VPS8: variants seen among roughly 807,000 people sequenced by gnomAD.
VPS8 encodes the protein VPS8 subunit of CORVET complex.
In VPS8, 129 loss-of-function variants were observed where a neutral mutation model predicts 216.4. That is an observed-to-expected ratio of 0.60 (90% CI 0.52 to 0.69). The LOEUF (loss-of-function observed/expected upper bound fraction) is 0.69, where lower values mean the gene tolerates loss of function less well. VPS8 is among the 30% of genes least tolerant of loss of function. VPS8 has a pLI of 0.00. For missense variants in VPS8, 1,531 were observed against 1,683.5 expected (o/e 0.91, Z 1.59); for synonymous variants, 571 against 565.4 (o/e 1.01, Z -0.14).
intron 36 of VPS8, among the ~76,000 whole-genome samples, chr3:184,942,739 C>T (rs1742962511): frequency 1.3e-5 from 2 of 152,102 alleles, no homozygotes; most frequent in South Asian, 4.1e-4. Context: ...AGATTATGCT[C>T]TAAACTTATT....
At chr3:184,889,005 TTA>T (rs1273664715) in intron 22 of VPS8, among the ~76,000 whole-genome samples, 13 of 152,306 alleles carry the variant, frequency 8.5e-5, no homozygotes, top group African/African-American at 2.9e-4. Context: ...AAAAAATTGA[TTA>T]TGTTTTTCCA....
intron 40 of VPS8, among the ~76,000 whole-genome samples, chr3:184,978,059 G>T (rs1311302131): frequency 6.6e-6 from 1 of 151,508 alleles, no homozygotes; most frequent in Non-Finnish European, 1.5e-5. Context: ...AATCCATCTG[G>T]TCCTGGCCTT....
intron 30 of VPS8, among the ~76,000 whole-genome samples, chr3:184,925,880 T>G (rs1024700175): frequency 3.3e-5 from 5 of 150,864 alleles, no homozygotes; most frequent in Non-Finnish European, 7.4e-5. Context: ...TTCAAGTGAT[T>G]GTCCTGCCTC....
chr3:184,887,683 A>T (rs1365886805), intron 22 of VPS8, among the ~76,000 whole-genome samples: 3 of 151,380 alleles, frequency 2.0e-5, no homozygotes, highest in Non-Finnish European at 4.4e-5. Flanking sequence ...TTTGTAAGTG[A>T]TAGAGAACAA....
chr3:184,873,993 C>T (rs911156192), intron 21 of VPS8, among the ~76,000 whole-genome samples: 6 of 152,200 alleles, frequency 3.9e-5, no homozygotes, highest in African/African-American at 1.2e-4. Flanking sequence ...GAAGTGCATG[C>T]ACCGTCAGCC....
intron 36 of VPS8, among the ~76,000 whole-genome samples, chr3:184,943,770 C>T (rs1743154010): frequency 1.3e-5 from 2 of 152,188 alleles, no homozygotes; most frequent in African/African-American, 4.8e-5. Context: ...ATAGGATTCT[C>T]ATTCTTGTAT....
intron 39 of VPS8, among the ~76,000 whole-genome samples, chr3:184,968,738 A>T (rs1747833175): frequency 6.6e-6 from 1 of 152,098 alleles, no homozygotes; most frequent in Non-Finnish European, 1.5e-5. Context: ...ATATTCCTTG[A>T]CATTTTTAAA....
At chr3:184,970,744 GT>G (rs1213412731) in intron 39 of VPS8, among the ~76,000 whole-genome samples, 1 of 152,168 alleles carries the variant, frequency 6.6e-6, no homozygotes, top group Non-Finnish European at 1.5e-5. Flanking sequence ...GGACTGATCT[GT>G]TTGAACTTGT....
intron 45 of VPS8, among the ~76,000 whole-genome samples, chr3:185,013,189 G>A (rs777707980): frequency 1.3e-5 from 2 of 152,208 alleles, no homozygotes; most frequent in Non-Finnish European, 2.9e-5. Flanking sequence ...CAGTGTGGGC[G>A]TCATGGCCAT....
intron 37 of VPS8, among the ~76,000 whole-genome samples, chr3:184,960,686 T>C (rs1746362631): frequency 6.6e-6 from 1 of 152,178 alleles, no homozygotes; most frequent in South Asian, 2.1e-4. Context: ...CATCCCAATA[T>C]TAGGTTGAGG....
At chr3:184,988,047 G>GT (rs1190745857) in intron 42 of VPS8, among the ~76,000 whole-genome samples, 1 of 152,132 alleles carries the variant, frequency 6.6e-6, no homozygotes, top group Non-Finnish European at 1.5e-5. Flanking sequence ...AGGATTCTTT[G>GT]TATATTTTGG....
At chr3:184,993,875 G>A (rs1008454815) in intron 42 of VPS8, 108 bp from the exon 43 acceptor site, 5 of 804,502 alleles carry the variant, frequency 6.2e-6, no homozygotes, top group Middle Eastern at 3.4e-4. Context: ...TAAATATTTT[G>A]TGACTGTAGA....
chr3:185,012,081 A>G (rs771203638), intron 45 of VPS8, among the ~76,000 whole-genome samples: 9 of 151,946 alleles, frequency 5.9e-5, no homozygotes, highest in Non-Finnish European at 1.0e-4. Context: ...AAATTTGAAT[A>G]TAGTTCAATA....
intron 36 of VPS8, among the ~76,000 whole-genome samples, chr3:184,943,839 C>T (rs956554479): frequency 2.6e-5 from 4 of 152,218 alleles, no homozygotes; most frequent in Admixed American, 6.5e-5. Context: ...CGGTGGCTCA[C>T]GCCTGTAATC....
intron 43 of VPS8, among the ~76,000 whole-genome samples, chr3:184,994,841 G>T (rs564669091): frequency 9.8e-5 from 15 of 152,328 alleles, no homozygotes; most frequent in African/African-American, 3.6e-4. Flanking sequence ...AAAGAAAGAG[G>T]TTTATTGGAC....
In VPS8 at chr3:184,894,930, GT is replaced by G. The variant is rs1733109036; in HGVS notation, c.2004+8del. On this transcript the variant is annotated splice_donor_region_variant and intron_variant, in intron 23 of 47. Coordinates refer to ENST00000625842, the MANE Select transcript of VPS8 (RefSeq NM_001009921.3). ...ACCAGCCTAGATATTCAGCAGGTGA[GT>G]TTATAGACAGTCTACTAACTTATGA... is the stretch of plus-strand genomic sequence containing the variant. The G allele has an allele frequency of 2.5e-6, 4 of 1,592,488 alleles. No homozygotes were observed. In the South Asian group the frequency reaches 4.5e-5, roughly 18 times the overall value.
At chr3:184,899,828 C>T (rs1415924012) in intron 24 of VPS8, among the ~76,000 whole-genome samples, 4 of 152,116 alleles carry the variant, frequency 2.6e-5, no homozygotes, top group South Asian at 2.1e-4. Context: ...TTTCTGTTAA[C>T]GTTGCTTTTG....
intron 28 of VPS8, among the ~76,000 whole-genome samples, chr3:184,919,483 T>G (rs565806613): frequency 6.9e-4 from 105 of 152,336 alleles, no homozygotes; most frequent in African/African-American, 2.4e-3. Flanking sequence ...CTGTTACATA[T>G]ACTGACAAAC....
chr3:185,012,663 T>TA (rs201795574), intron 45 of VPS8, among the ~76,000 whole-genome samples: 2,060 of 151,494 alleles, frequency 0.014, 46 homozygotes, highest in African/African-American at 0.046. Context: ...GATTTCTCAT[T>TA]TAAAAAAAAA....
Sources: gnomAD v4.1 joint callset for allele counts (sites outside exome capture counted in the v4.1 genomes callset) on GRCh38, gnomAD v4.1.1 for gene constraint, MANE v1.5 for transcripts, NCBI Gene and HGNC (gene_info 2026-07-23, HGNC 2026-07-21) for gene names.